TSC1: variants seen among roughly 807,000 people sequenced by gnomAD.
TSC1 encodes TSC complex subunit 1.
Under a neutral mutation model 124.3 loss-of-function variants are expected in TSC1, and 20 were observed. That is an observed-to-expected ratio of 0.16 (90% confidence interval 0.11 to 0.23). TSC1 has a LOEUF of 0.23. Among genes scored for constraint, TSC1 ranks in the 10% least tolerant of loss-of-function variants. TSC1 has a pLI of 1.00. For missense variants in TSC1, 1,124 were observed against 1,448.5 expected, an observed-to-expected ratio of 0.78 and a Z score of 3.64; for synonymous variants, 493 against 539.1, an observed-to-expected ratio of 0.91 and a Z score of 1.19.
At chr9:132,909,447 T>G (rs1352028458) in intron 12 of TSC1, among the ~76,000 whole-genome samples, 1 of 152,238 alleles carries the variant, frequency 6.6e-6, no homozygotes, top group Non-Finnish European at 1.5e-5. Context: ...TATCTTGATT[T>G]CCACCTGAGA....
rs1846554055 is a variant in TSC1 at position 132,921,537 on chromosome 9, C to T, written c.664-101G>A. 6 of 1,341,106 alleles carry T rather than the reference C, an allele frequency of 4.5e-6. No homozygotes were observed. The highest frequency in any genetic ancestry group is 1.2e-5 in the South Asian group (1 of 83,022). 83.1% of individuals were successfully genotyped at this position (1,341,106 alleles called of 1,614,324 possible). Reference sequence around the variant, plus strand: ...AATTAAAAGGAATGAAGTACTGATACATGTTATAACACAGATGGAACCTTG... The same window carrying T: ...AATTAAAAGGAATGAAGTACTGATATATGTTATAACACAGATGGAACCTTG... On this transcript the variant is annotated intron_variant, in intron 7 of 22. Coordinates refer to ENST00000298552, the MANE Select transcript of TSC1 (RefSeq NM_000368.5). The surrounding 1 kb of genome is among the most constrained non-coding windows in gnomAD (Gnocchi z 4.3).
rs1844882806 is a variant in TSC1, at chr9:132,893,649, C to T, written c.*2586G>A. 1.3e-5 allele frequency: 3 copies of T among 233,018 alleles called. No homozygotes were observed. The highest frequency in any genetic ancestry group is 1.2e-3 in the Middle Eastern group (1 of 806). 14.4% of individuals were successfully genotyped at this position (233,018 alleles called of 1,614,324 possible). A position where few individuals can be genotyped will look rare whatever the true frequency, so the allele number is the denominator to read the frequency against. ...CAGGTGGGGATCCGAGTAGGTTATGCACATTGGCCAAACAGCTGAGACAGG... is the reference window on the plus strand; with the variant it reads ...CAGGTGGGGATCCGAGTAGGTTATGTACATTGGCCAAACAGCTGAGACAGG... On this transcript the variant is annotated 3_prime_UTR_variant, in exon 23 of 23. Transcript: ENST00000298552.
intron 5 of TSC1, chr9:132,925,098 A>G (rs1846780374): frequency 5.9e-6 from 1 of 170,180 alleles, no homozygotes; most frequent in African/African-American, 2.4e-5. Context: ...TTGACTCCCT[A>G]TATAGAAAAA....
At chr9:132,909,044 A>G (rs1845813431) in intron 12 of TSC1, among the ~76,000 whole-genome samples, 1 of 151,932 alleles carries the variant, frequency 6.6e-6, no homozygotes, top group East Asian at 1.9e-4. Flanking sequence ...AGCTGGGATT[A>G]CAGGTGCCTG....
intron 8 of TSC1, among the ~76,000 whole-genome samples, chr9:132,920,496 A>G (rs1160248489): frequency 1.3e-5 from 2 of 152,128 alleles, no homozygotes; most frequent in Non-Finnish European, 2.9e-5. Context: ...TAAACTTTAC[A>G]TACACATTTT....
chr9:132,929,005 A>G (rs1177898102), intron 2 of TSC1, 53 bp from the exon 3 acceptor site: 2 of 1,481,654 alleles, frequency 1.3e-6, no homozygotes, highest in Non-Finnish European at 1.8e-6. Flanking sequence ...TTCTCCATAA[A>G]AAAAGAAAAT....
chr9:132,894,995 G>C lies in TSC1; in HGVS notation c.*1240C>G, dbSNP rs1844959062. The C allele has an allele frequency of 4.3e-6, 1 of 232,212 alleles. No homozygotes were observed. The highest frequency in any genetic ancestry group is 8.5e-6 in the Non-Finnish European group (1 of 117,358). 14.4% of individuals were successfully genotyped at this position (232,212 alleles called of 1,614,324 possible). ...TAGTGTCATCTCTCGGGAGCACGTG[G>C]GGCAGCCTAGTGGGTATACACAGCC... On this transcript the variant is annotated 3_prime_UTR_variant, in exon 23 of 23. Coordinates refer to ENST00000298552, the MANE Select transcript of TSC1 (RefSeq NM_000368.5).
upstream of TSC1, chr9:132,944,787 G>A (rs780612942): frequency 2.6e-4 from 101 of 394,884 alleles, no homozygotes; most frequent in Non-Finnish European, 3.9e-4. Flanking sequence ...TGGGTTGGAC[G>A]AGAAAAAAAG....
Position 132,906,625 on chromosome 9 carries a change from AGAG to A in TSC1, c.1438+103_1438+105del. The A allele has an allele frequency of 1.0e-6, 1 of 987,432 alleles. No individual in the cohort carries two copies. 61.2% of individuals were successfully genotyped at this position (987,432 alleles called of 1,614,324 possible). On this transcript the variant is annotated intron_variant, in intron 14 of 22. Transcript: ENST00000298552. The surrounding 1 kb of genome is among the most constrained non-coding windows in gnomAD (Gnocchi z 4.1). ...CTAAACCACCCATCTTGTTACCTCAAGAGAAGAAAAATCCAGCAAGCCTGTGAG... is the reference window on the plus strand; with the variant it reads ...CTAAACCACCCATCTTGTTACCTCAAAAGAAAAATCCAGCAAGCCTGTGAG...
rs118203631 is a variant in TSC1 at position 132,903,785 on chromosome 9, G to A, written c.2074C>T (p.Arg692Ter). The change falls in exon 17 of 23, where the codon CGA (arginine) becomes TGA (stop). Residue 692 changes from arginine to a stop codon, truncating the protein, a stop_gained. Transcript: ENST00000298552. LOFTEE classifies it high-confidence loss of function. This position sits in a 1 kb window ranked among gnomAD's most constrained non-coding sequence, Gnocchi z 5.9. ...TTGTGCAGTAAAAGCAACTGGTCTC[G>A]GAGGGTGCGGATCTCATCTGAAGGA... ...SPPSDEIRTLRDQLLLLHNQL... is the reference protein window; with the variant it reads ...SPPSDEIRTL The A allele has an allele frequency of 1.2e-6, 2 of 1,613,986 alleles. No homozygotes were observed. The highest frequency in any genetic ancestry group is 1.7e-6 in the Non-Finnish European group (2 of 1,180,038).
chr9:132,906,547 T>TG lies in TSC1; in HGVS notation c.1438+183_1438+184insC. 1 of 490,978 alleles carries TG rather than the reference T, an allele frequency of 2.0e-6. No individual in the cohort carries two copies. Among genetic ancestry groups the TG allele is most frequent in the East Asian group, 3.6e-5 (1 of 27,912 alleles). The allele number at this position is 490,978 out of a possible 1,614,324, so 30.4% of individuals were successfully genotyped here. ...CAGGGTGACAGAGCAAGACCCTGTC[T>TG]CAAAAAAAAAAAAAAAAAAAGTGGC... On this transcript the variant is annotated intron_variant, in intron 14 of 22. Transcript: ENST00000298552. This position sits in a 1 kb window ranked among gnomAD's most constrained non-coding sequence, Gnocchi z 4.1.
At position 132,911,255 on chromosome 9, in the gene TSC1, A is replaced by G. The variant is rs1588323489; in HGVS notation, c.1030-142T>C. The stretch of plus-strand genomic sequence containing the variant: ...CTTATTAAAAGCGTATCAAGAAACA[A>G]GTTGCATTTTGTAAATCAAGACTTC... On this transcript the variant is annotated intron_variant, in intron 10 of 22. Coordinates refer to ENST00000298552, the MANE Select transcript of TSC1 (RefSeq NM_000368.5). 12 of 840,212 alleles carry G rather than the reference A, an allele frequency of 1.4e-5. No individual in the cohort carries two copies. In the East Asian group the frequency reaches 3.1e-4, roughly 22 times the overall value. The allele number at this position is 840,212 out of a possible 1,614,324, so 52.0% of individuals were successfully genotyped here.
At chr9:132,936,026 G>A (rs1244650196) in intron 1 of TSC1, among the ~76,000 whole-genome samples, 2 of 152,198 alleles carry the variant, frequency 1.3e-5, no homozygotes, top group East Asian at 1.9e-4. Context: ...GGGAGAGACC[G>A]CAGCTTACTC....
chr9:132,936,350 C>T (rs1289904657), intron 1 of TSC1, among the ~76,000 whole-genome samples: 1 of 152,184 alleles, frequency 6.6e-6, no homozygotes, highest in Non-Finnish European at 1.5e-5. Flanking sequence ...CTCCTAGCCT[C>T]ACGCAATCCT....
rs118203576 is a variant in TSC1 at position 132,905,818 on chromosome 9, T to C, written c.1760A>G (p.Lys587Arg). ...GCCCACTCTCGTCGGAGGTGGAATT[T>C]TACAAGGACTGGGAGTGAAGATACT... ...ETSIFTPSPC[K>R]IPPPTRVGFG... is the part of the protein sequence containing the mutation. Residue 587 changes from lysine (K) to arginine (R), a missense_variant, in exon 15 of 23, where the codon AAA (lysine) becomes AGA (arginine). Physicochemically the swap from Lys to Arg is conservative, Grantham distance 26. Around this residue, in one of 5 missense-constraint regions of TSC1, gnomAD observed 321 missense variants for 397.4 expected, o/e 0.81. Coordinates refer to ENST00000298552, the MANE Select transcript of TSC1 (RefSeq NM_000368.5). 6.7e-3 allele frequency: 10,830 copies of C among 1,614,146 alleles called. 890 individuals carry two copies. The Admixed American group carries it at 0.15, about 23-fold the overall frequency.
In TSC1 at chr9:132,923,114, C is replaced by A. The variant is rs189318087; in HGVS notation, c.508+234G>T. Among the ~76,000 whole-genome samples the A allele has an allele frequency of 1.3e-5, 2 of 152,322 alleles. No individual in the cohort carries two copies. Among genetic ancestry groups the A allele is most frequent in the East Asian group, 3.9e-4 (2 of 5,186 alleles). Reference sequence around the variant, plus strand: ...AGTTTTACATCCTACCACTCAATTTCTCTGACGACTAATCCTTTTAAGCCA... The same window carrying A: ...AGTTTTACATCCTACCACTCAATTTATCTGACGACTAATCCTTTTAAGCCA... On this transcript the variant is annotated intron_variant, in intron 6 of 22. Transcript: ENST00000298552. This position sits in a 1 kb window ranked among gnomAD's most constrained non-coding sequence, Gnocchi z 4.2.
In TSC1 at chr9:132,895,956, A is replaced by C. The variant is rs554637460; in HGVS notation, c.*279T>G. ...AACCATTTGGGGGGGAAAGGAAGAAAGTAAAGCTACTGAGGAACACCAACT... is the reference window on the plus strand; with the variant it reads ...AACCATTTGGGGGGGAAAGGAAGAACGTAAAGCTACTGAGGAACACCAACT... On this transcript the variant is annotated 3_prime_UTR_variant, in exon 23 of 23. Transcript: ENST00000298552. The C allele has an allele frequency of 5.3e-4, 273 of 510,884 alleles. No homozygotes were observed. Among genetic ancestry groups the C allele is most frequent in the Non-Finnish European group, 8.8e-4 (247 of 280,982 alleles). 31.6% of individuals were successfully genotyped at this position (510,884 alleles called of 1,614,324 possible).
Position 132,904,392 on chromosome 9 carries a change from GCTAAA to G in TSC1, c.2041+14_2041+18del. 6.2e-7 allele frequency: 1 copy of G among 1,613,756 alleles called. No homozygotes were observed. The highest frequency in any genetic ancestry group is 8.5e-7 in the Non-Finnish European group (1 of 1,179,844). Reference sequence around the variant, plus strand: ...AGGAACCATGTGGGCTGGATTTGGAGCTAAAGTAACAACTTTACCTCCAAAGTGGG... The same window carrying G: ...AGGAACCATGTGGGCTGGATTTGGAGGTAACAACTTTACCTCCAAAGTGGG... On this transcript the variant is annotated intron_variant, in intron 16 of 22. Transcript: ENST00000298552.
In TSC1 at chr9:132,925,667, G is replaced by T; in HGVS notation, c.283C>A (p.His95Asn). 6.2e-7 allele frequency: 1 copy of T among 1,614,230 alleles called. No homozygotes were observed. Among genetic ancestry groups the T allele is most frequent in the Non-Finnish European group, 8.5e-7 (1 of 1,180,044 alleles). Residue 95 changes from histidine to asparagine, a missense_variant, in exon 5 of 23, where the codon CAT (histidine) becomes AAT (asparagine). Physicochemically the swap from His to Asn is moderately conservative, Grantham distance 68. Coordinates refer to ENST00000298552, the MANE Select transcript of TSC1 (RefSeq NM_000368.5). ...TRLSILSLLGHVIRLQPSWKH... is the reference protein window; with the variant it reads ...TRLSILSLLGNVIRLQPSWKH... ...CAAGATGGCTGCAGTCTTATGACAT[G>T]ACCCAGTAACGAGAGGATGGATAAA...
Sources: allele counts gnomAD v4.1 joint callset (sites outside exome capture counted in the v4.1 genomes callset), GRCh38; gene constraint gnomAD v4.1.1; regional missense constraint gnomAD v4.1.1; non-coding constraint Gnocchi (gnomAD v3.1); transcripts MANE v1.5; gene names NCBI Gene and HGNC (gene_info 2026-07-23, HGNC 2026-07-21).